The following SPTBN2 variants were observed in gnomAD, a reference collection of about 807,000 sequenced individuals.
SPTBN2 encodes the protein spectrin beta chain, non-erythrocytic 2.
A neutral mutation model predicts 284.2 loss-of-function variants in SPTBN2; 107 were observed. That is an observed-to-expected ratio of 0.38 (90% confidence interval 0.32 to 0.44). The LOEUF (loss-of-function observed/expected upper bound fraction) is 0.44. SPTBN2 is among the 20% of genes least tolerant of loss of function. The pLI, the probability that SPTBN2 is intolerant of heterozygous loss-of-function variation, is 1.00. For missense variants in SPTBN2, 2,569 were observed against 3,287.1 expected (o/e 0.78, Z 5.34); for synonymous variants, 1,289 against 1,354.8 (o/e 0.95, Z 1.07).
intron 18 of SPTBN2, 106 bp from the exon 19 acceptor site, chr11:66,699,188 G>T: frequency 7.0e-7 from 1 of 1,434,380 alleles, no homozygotes; most frequent in Non-Finnish European, 9.7e-7. Flanking sequence ...AACGCCTTCC[G>T]GGAGCACAAT....
intron 5 of SPTBN2, among the ~76,000 whole-genome samples, chr11:66,714,733 G>A (rs1942054046): frequency 6.6e-6 from 1 of 152,158 alleles, no homozygotes; most frequent in African/African-American, 2.4e-5. Context: ...TCTCCAAGGT[G>A]AAGCCGACAG....
intron 1 of SPTBN2, among the ~76,000 whole-genome samples, chr11:66,743,791 G>A (rs544987595): frequency 3.7e-4 from 57 of 152,310 alleles, no homozygotes; most frequent in African/African-American, 1.1e-3. Flanking sequence ...CCACCTTTGC[G>A]GGGGAAGCTG....
rs2135279251 is a variant in SPTBN2, at chr11:66,685,159, AC to A, written c.*711del. ...CTTCAAGAGCTTGGAGGCTGGGGAAACGTGAGATGAAGGAGACCAGAACGGA... is the reference window on the plus strand; with the variant it reads ...CTTCAAGAGCTTGGAGGCTGGGGAAAGTGAGATGAAGGAGACCAGAACGGA... On this transcript the variant is annotated 3_prime_UTR_variant, in exon 38 of 38. Transcript: ENST00000533211. This position sits in a 1 kb window ranked among gnomAD's most constrained non-coding sequence, Gnocchi z 4.4. 6.5e-6 allele frequency: 1 copy of A among 153,516 alleles called. No individual in the cohort carries two copies. Among genetic ancestry groups the A allele is most frequent in the African/African-American group, 2.4e-5 (1 of 41,570 alleles). The allele number at this position is 153,516 out of a possible 1,614,324, so 9.5% of individuals were successfully genotyped here.
In SPTBN2 at chr11:66,693,291, T is replaced by A. The variant is rs756204740; in HGVS notation, c.4749A>T (p.Arg1583=). 1.2e-6 allele frequency: 2 copies of A among 1,613,628 alleles called. No individual in the cohort carries two copies. Among genetic ancestry groups the A allele is most frequent in the South Asian group, 2.2e-5 (2 of 91,086 alleles). The change falls in exon 24 of 38, where the codon CGA becomes CGT. Residue 1583 remains arginine, a synonymous_variant. Transcript: ENST00000533211. This position sits in a 1 kb window ranked among gnomAD's most constrained non-coding sequence, Gnocchi z 5.7. ...GCTGGGCTCGCAGGGCATCCTCCAG[T>A]CGCTTCCCTCGAAGTTCCAGCTCGT... is the stretch of plus-strand genomic sequence containing the variant. ...LGHELELRGK[R]LEDALRAQQF...
chr11:66,725,689 G>A (rs1004469425), intron 1 of SPTBN2, among the ~76,000 whole-genome samples: 2 of 152,202 alleles, frequency 1.3e-5, no homozygotes, highest in African/African-American at 4.8e-5. Context: ...CCAGGCCCAA[G>A]TAGCTTACAC....
chr11:66,742,274 C>G (rs1201810650), intron 1 of SPTBN2, among the ~76,000 whole-genome samples: 1 of 152,174 alleles, frequency 6.6e-6, no homozygotes, highest in Non-Finnish European at 1.5e-5. Context: ...CACCATATAT[C>G]AAGCCTATAT....
rs751271528 is a variant in SPTBN2, at chr11:66,710,819, G to A, written c.886-50C>T. The A allele has an allele frequency of 7.4e-6, 12 of 1,611,626 alleles. No homozygotes were observed. In the South Asian group the frequency reaches 1.1e-4, roughly 15 times the overall value. On this transcript the variant is annotated intron_variant, in intron 9 of 37. Coordinates refer to ENST00000533211, the MANE Select transcript of SPTBN2 (RefSeq NM_006946.4). The surrounding 1 kb of genome is among the most constrained non-coding windows in gnomAD (Gnocchi z 4.9). ...GACAGTCCCAGCCACAGGGTCCCTG[G>A]CCCAGTCCTGCAGCTCCACCCTGCC... is the stretch of plus-strand genomic sequence containing the variant.
chr11:66,709,710 A>G (rs1276866722), intron 10 of SPTBN2, among the ~76,000 whole-genome samples: 1 of 152,220 alleles, frequency 6.6e-6, no homozygotes, highest in East Asian at 1.9e-4. Context: ...TATAGAAACA[A>G]TTGTTTTCTG....
In SPTBN2 at chr11:66,693,758, A is replaced by C; in HGVS notation, c.4593+14T>G. The C allele has an allele frequency of 6.2e-7, 1 of 1,609,166 alleles. No homozygotes were observed. The highest frequency in any genetic ancestry group is 2.2e-5 in the East Asian group (1 of 44,772). On this transcript the variant is annotated intron_variant, in intron 23 of 37. Transcript: ENST00000533211. This position sits in a 1 kb window ranked among gnomAD's most constrained non-coding sequence, Gnocchi z 5.7. Reference sequence around the variant, plus strand: ...TCCTGGGAACTTCTCTTTTGCCTTCAGCCTCTGCCTCACCTGGTTTTTCTT... The same window carrying C: ...TCCTGGGAACTTCTCTTTTGCCTTCCGCCTCTGCCTCACCTGGTTTTTCTT...
At chr11:66,711,654 T>C (rs1305928357) in intron 8 of SPTBN2, among the ~76,000 whole-genome samples, 1 of 152,182 alleles carries the variant, frequency 6.6e-6, no homozygotes, top group African/African-American at 2.4e-5. Context: ...AATCTGTGGG[T>C]TCTTTTAAAT....
In SPTBN2 at chr11:66,710,050, GTTTGTTT is replaced by G. The variant is rs1404904081; in HGVS notation, c.1073+525_1073+531del. Reference sequence around the variant, plus strand: ...TAGCAATCATTTCCACAGCATGTTTGTTTGTTTTTTGAGACGGAGTCTTGCTCTGTCA... The same window carrying G: ...TAGCAATCATTTCCACAGCATGTTTGTTTGAGACGGAGTCTTGCTCTGTCA... On this transcript the variant is annotated intron_variant, in intron 10 of 37. Transcript: ENST00000533211. This position sits in a 1 kb window ranked among gnomAD's most constrained non-coding sequence, Gnocchi z 4.9. Among the ~76,000 whole-genome samples, 1 of 152,146 alleles carries G rather than the reference GTTTGTTT, an allele frequency of 6.6e-6. No homozygotes were observed. The highest frequency in any genetic ancestry group is 1.5e-5 in the Non-Finnish European group (1 of 68,024).
At chr11:66,734,338 T>C (rs1468712494) in intron 1 of SPTBN2, among the ~76,000 whole-genome samples, 1 of 152,120 alleles carries the variant, frequency 6.6e-6, no homozygotes, top group Non-Finnish European at 1.5e-5. Context: ...CTGGAAACCC[T>C]TCAGTGGCTC....
intron 37 of SPTBN2, 81 bp from the exon 38 acceptor site, chr11:66,686,185 G>A (rs755454612): frequency 8.2e-5 from 120 of 1,471,030 alleles, no homozygotes; most frequent in Non-Finnish European, 1.1e-4. Flanking sequence ...AGTGTAAGAG[G>A]AGGAGGCAGA....
In SPTBN2 at chr11:66,686,443, G is replaced by T. The variant is rs1190114570; in HGVS notation, c.6897-3C>A. 1 of 1,613,986 alleles carries T rather than the reference G, an allele frequency of 6.2e-7. No individual in the cohort carries two copies. The highest frequency in any genetic ancestry group is 1.1e-5 in the South Asian group (1 of 91,078). ...AATATTCTTTTCCATCCTGTAAGCT[G>T]TTGGGAGAGAGAGGCCACAGGGCAG... On this transcript the variant is annotated splice_region_variant and splice_polypyrimidine_tract_variant and intron_variant, in intron 36 of 37. Coordinates refer to ENST00000533211, the MANE Select transcript of SPTBN2 (RefSeq NM_006946.4).
rs1037577149 is a variant in SPTBN2, at chr11:66,684,697, T to C, written c.*1174A>G. Reference sequence around the variant, plus strand: ...TGTGTATATTTACATGCTTGGGCTGTAAAGTCACCTCATGGCTTCCCAGAG... The same window carrying C: ...TGTGTATATTTACATGCTTGGGCTGCAAAGTCACCTCATGGCTTCCCAGAG... On this transcript the variant is annotated 3_prime_UTR_variant, in exon 38 of 38. Coordinates refer to ENST00000533211, the MANE Select transcript of SPTBN2 (RefSeq NM_006946.4). Among the ~76,000 whole-genome samples the C allele has an allele frequency of 4.6e-5, 7 of 152,076 alleles. No homozygotes were observed. The highest frequency in any genetic ancestry group is 1.4e-4 in the African/African-American group (6 of 41,406).
In SPTBN2 at chr11:66,735,557, T is replaced by A. The variant is rs981208664; in HGVS notation, c.-474-6365A>T. On this transcript the variant is annotated intron_variant, in intron 1 of 37. Coordinates refer to the SPTBN2 transcript ENST00000611817. Reference sequence around the variant, plus strand: ...GAGACCTCCATCTTTACAAAAACTTTAAAAATTATCTGGGCATGGTGGTGT... The same window carrying A: ...GAGACCTCCATCTTTACAAAAACTTAAAAAATTATCTGGGCATGGTGGTGT... Among the ~76,000 whole-genome samples the A allele has an allele frequency of 4.6e-5, 7 of 152,018 alleles. No homozygotes were observed. The East Asian group carries it at 1.2e-3, about 25-fold the overall frequency.
rs369266382 is a variant in SPTBN2 at position 66,708,164 on chromosome 11, C to T, written c.1327G>A (p.Glu443Lys). The T allele has an allele frequency of 1.2e-6, 2 of 1,613,112 alleles. No homozygotes were observed. The highest frequency in any genetic ancestry group is 8.5e-7 in the Non-Finnish European group (1 of 1,179,886). ...ACCTGGGACACGAGGCGCTGGTTCT[C>T]GCTGAGCCAGGTCTCCCGCATGGCA... is the stretch of plus-strand genomic sequence containing the variant. Reference protein sequence around the residue: ...KAAMRETWLSENQRLVSQDNF... With the variant: ...KAAMRETWLSKNQRLVSQDNF... The change falls in exon 12 of 38, where the codon GAG (glutamate) becomes AAG (lysine). Residue 443 changes from glutamate (E) to lysine (K), a missense_variant. Physicochemically the swap from Glu to Lys is moderately conservative, Grantham distance 56 (BLOSUM62 1). Coordinates refer to ENST00000533211, the MANE Select transcript of SPTBN2 (RefSeq NM_006946.4). This position sits in a 1 kb window ranked among gnomAD's most constrained non-coding sequence, Gnocchi z 4.4.
At chr11:66,694,580 G>A (rs1214478244) in intron 21 of SPTBN2, among the ~76,000 whole-genome samples, 2 of 152,204 alleles carry the variant, frequency 1.3e-5, no homozygotes, top group Non-Finnish European at 2.9e-5. Context: ...TGGGTACTGT[G>A]CTCACTACAT....
At position 66,701,723 on chromosome 11, in the gene SPTBN2, T is replaced by C; in HGVS notation, c.2679-2A>G. On this transcript the variant is annotated splice_acceptor_variant, in intron 15 of 37. Transcript: ENST00000533211. LOFTEE classifies it high-confidence loss of function. ...ATTTCAGGCTCCAGGGTCTCGAACC[T>C]GAGAGGGTGGAAGAGCCAGGCGTGA... The C allele has an allele frequency of 6.2e-7, 1 of 1,613,974 alleles. No individual in the cohort carries two copies. The highest frequency in any genetic ancestry group is 8.5e-7 in the Non-Finnish European group (1 of 1,179,992).
Sources: gnomAD v4.1 joint callset for allele counts (sites outside exome capture counted in the v4.1 genomes callset) on GRCh38, gnomAD v4.1.1 for gene constraint, Gnocchi (gnomAD v3.1) non-coding constraint, MANE v1.5 for transcripts, NCBI Gene and HGNC (gene_info 2026-07-23, HGNC 2026-07-21) for gene names.